The following GAPVD1 variants were observed in gnomAD, a reference collection of about 807,000 sequenced individuals.
GAPVD1 encodes GTPase-activating protein and VPS9 domain-containing protein 1.
GAPVD1 carries 35 observed loss-of-function variants against 155.5 expected under a neutral mutation model. The observed-to-expected ratio is 0.23, with a 90% CI of 0.17 to 0.30. The LOEUF (loss-of-function observed/expected upper bound fraction) is 0.30, where lower values mean the gene tolerates loss of function less well. Ranked by LOEUF, GAPVD1 falls within the 10% of genes least tolerant of loss-of-function variation. GAPVD1 has a pLI of 1.00. For synonymous variants in GAPVD1, 636 were observed against 619.7 expected (o/e 1.03, Z -0.39); for missense variants, 1,429 against 1,775.7 (o/e 0.80, Z 3.51).
At chr9:125,302,963 G>A (rs1841138438) in intron 5 of GAPVD1, 137 bp downstream of exon 5, 3 of 984,772 alleles carry the variant, frequency 3.0e-6, no homozygotes, top group Non-Finnish European at 4.3e-6. Flanking sequence ...CTAAGTATTT[G>A]CATCTTATTA....
chr9:125,313,220 T>TG (rs1842903599), intron 9 of GAPVD1, among the ~76,000 whole-genome samples: 1 of 152,132 alleles, frequency 6.6e-6, no homozygotes, highest in African/African-American at 2.4e-5. Context: ...ACCATCACCT[T>TG]GGGGGTTAGA....
Position 125,283,817 on chromosome 9 carries a change from G to A in GAPVD1, c.-149-11641G>A, listed in dbSNP as rs543062673. ...CTTAGAGACCTTCTCTTTAGTCAGA[G>A]GAGTTCATTTAGATATAGTTGTTAA... is the stretch of plus-strand genomic sequence containing the variant. On this transcript the variant is annotated intron_variant, in intron 2 of 27. Coordinates refer to ENST00000297933, the MANE Select transcript of GAPVD1 (RefSeq NM_001282680.3). Among the ~76,000 whole-genome samples the A allele has an allele frequency of 9.2e-5, 14 of 152,186 alleles. No individual in the cohort carries two copies. The South Asian group carries it at 2.7e-3, about 29-fold the overall frequency.
chr9:125,279,942 G>A (rs1836477908), intron 2 of GAPVD1, among the ~76,000 whole-genome samples: 1 of 150,938 alleles, frequency 6.6e-6, no homozygotes, highest in African/African-American at 2.4e-5. Context: ...TGTATTTTTA[G>A]TAGAGATGGG....
chr9:125,336,670 G>T, intron 15 of GAPVD1: 1 of 216,842 alleles, frequency 4.6e-6, no homozygotes. Context: ...TTTCAGGTGA[G>T]GGGAAGGCGA....
Position 125,342,264 on chromosome 9 carries a change from A to G in GAPVD1, c.3011A>G (p.Asp1004Gly). The change falls in exon 19 of 28, where the codon GAT becomes GGT. Residue 1004 changes from aspartate to glycine, a missense_variant. Asp to Gly is a moderately conservative substitution (Grantham distance 94, BLOSUM62 -1). This residue lies in a region of GAPVD1 where 699 missense variants were observed against 826.0 expected (regional missense o/e 0.85). Coordinates refer to ENST00000297933, the MANE Select transcript of GAPVD1 (RefSeq NM_001282680.3). The part of the protein sequence containing the change: ...RKKEKQEKDK[D>G]DLGPDRFSTL... ...AAAGAAAAACAAGAAAAAGACAAAG[A>G]TGATCTGGGGCCTGACAGATTCTCA... 1.2e-6 allele frequency: 2 copies of G among 1,601,808 alleles called. No homozygotes were observed. Among genetic ancestry groups the G allele is most frequent in the East Asian group, 2.2e-5 (1 of 44,828 alleles).
At chr9:125,333,690 G>C (rs1312710490) in intron 15 of GAPVD1, among the ~76,000 whole-genome samples, 1 of 151,368 alleles carries the variant, frequency 6.6e-6, no homozygotes, top group East Asian at 2.0e-4. Context: ...GTTTCTCCAT[G>C]TTGGTCAGGC....
chr9:125,271,081 G>A (rs1034609235), intron 2 of GAPVD1, among the ~76,000 whole-genome samples: 8 of 152,098 alleles, frequency 5.3e-5, no homozygotes, highest in African/African-American at 1.7e-4. Flanking sequence ...AAGTATAAAA[G>A]TATAATTTAA....
rs886970196 is a variant in GAPVD1, at chr9:125,365,580, A to T, written c.*2834A>T. 2.0e-5 allele frequency: 3 copies of T among 152,222 alleles called. No homozygotes were observed. Among genetic ancestry groups the T allele is most frequent in the Non-Finnish European group, 4.4e-5 (3 of 68,044 alleles). The allele number at this position is 152,222 out of a possible 1,614,324, so 9.4% of individuals were successfully genotyped here. On this transcript the variant is annotated 3_prime_UTR_variant, in exon 28 of 28. Transcript: ENST00000297933. ...AAAATCAGGTTTGCATTTTGTATTAATATTCTGCTTTTAGAAGTAATAGAA... is the reference window on the plus strand; with the variant it reads ...AAAATCAGGTTTGCATTTTGTATTATTATTCTGCTTTTAGAAGTAATAGAA...
Position 125,307,540 on chromosome 9 carries a change from T to C in GAPVD1, c.1244T>C (p.Ile415Thr). The part of the protein sequence containing the change: ...TVVYITYSQL[I>T]TLVNFMKSVM... ...GTTTATATAACCTACAGTCAGCTTATTACTCTGGTAATGGCTTCATTGTTT... is the reference window on the plus strand; with the variant it reads ...GTTTATATAACCTACAGTCAGCTTACTACTCTGGTAATGGCTTCATTGTTT... Residue 415 changes from isoleucine (I) to threonine (T), a missense_variant, in exon 7 of 28, where the codon ATT becomes ACT. Coordinates refer to ENST00000297933, the MANE Select transcript of GAPVD1 (RefSeq NM_001282680.3). The C allele has an allele frequency of 6.2e-7, 1 of 1,609,746 alleles. No homozygotes were observed.
chr9:125,317,771 A>G (rs946998147), intron 9 of GAPVD1, among the ~76,000 whole-genome samples: 2 of 152,158 alleles, frequency 1.3e-5, no homozygotes, highest in African/African-American at 4.8e-5. Context: ...AACTAAAGAA[A>G]ACCAAGAGAA....
At position 125,323,810 on chromosome 9, in the gene GAPVD1, G is replaced by T; in HGVS notation, c.1745G>T (p.Arg582Leu). ...AACATTTCTCTAGGTCCTTCAAATC[G>T]CTCCAATTCAGTGTCCTCCCTAGAC... ...LEGISEGPSN[R>L]SNSVSSLDLE... is the part of the protein sequence containing the mutation. The change falls in exon 11 of 28, where the codon CGC (arginine) becomes CTC (leucine). Residue 582 changes from arginine to leucine, a missense_variant. By Grantham distance (102) the Arg-to-Leu change is moderately radical. Transcript: ENST00000297933. The T allele has an allele frequency of 6.2e-7, 1 of 1,613,510 alleles. No homozygotes were observed.
chr9:125,285,590 GC>G (rs1196428765), intron 2 of GAPVD1, among the ~76,000 whole-genome samples: 1 of 149,430 alleles, frequency 6.7e-6, no homozygotes, highest in Non-Finnish European at 1.5e-5. Flanking sequence ...CTCCCGAATA[GC>G]TGGGATTACA....
At chr9:125,326,827 A>C (rs75364733) in intron 12 of GAPVD1, among the ~76,000 whole-genome samples, 87 of 132,184 alleles carry the variant, frequency 6.6e-4, no homozygotes, top group African/African-American at 1.8e-3. Flanking sequence ...CCAGCTGCCC[A>C]AAAAAAAAAA....
intron 9 of GAPVD1, among the ~76,000 whole-genome samples, chr9:125,319,359 A>G (rs1843932088): frequency 6.6e-6 from 1 of 151,248 alleles, no homozygotes; most frequent in Non-Finnish European, 1.5e-5. Flanking sequence ...GGGCGACAGA[A>G]TGAGTTCCAT....
Position 125,323,781 on chromosome 9 carries a change from TA to T in GAPVD1, c.1733-16del, listed in dbSNP as rs778606692. 2 of 1,613,142 alleles carry T rather than the reference TA, an allele frequency of 1.2e-6. No homozygotes were observed. Among genetic ancestry groups the T allele is most frequent in the Non-Finnish European group, 1.7e-6 (2 of 1,179,254 alleles). On this transcript the variant is annotated splice_polypyrimidine_tract_variant and intron_variant, in intron 10 of 27. Transcript: ENST00000297933. ...ACTGTTTTAAAAAGATTGCTCACAC[TA>T]TAAACATTTCTCTAGGTCCTTCAAA...
rs141971434 is a variant in GAPVD1, at chr9:125,316,565, G to C, written c.1602+3953G>C. ...GCACATGTATCCCTGCAAAGGACAT[G>C]AACTAATCCTTTTTTATGGCTGCAT... On this transcript the variant is annotated intron_variant, in intron 9 of 27. Transcript: ENST00000297933. Among the ~76,000 whole-genome samples, 130 of 152,258 alleles carry C rather than the reference G, an allele frequency of 8.5e-4. 1 individual carries two copies. Among genetic ancestry groups the C allele is most frequent in the Non-Finnish European group, 1.2e-4 (8 of 68,022 alleles).
At chr9:125,269,883 A>G (rs1261379275) in intron 2 of GAPVD1, among the ~76,000 whole-genome samples, 3 of 148,916 alleles carry the variant, frequency 2.0e-5, no homozygotes, top group African/African-American at 7.4e-5. Flanking sequence ...ATGTCCAGCT[A>G]ATTTTTTTTA....
chr9:125,332,475 TCTTC>T lies in GAPVD1; in HGVS notation c.2309-32_2309-29del, dbSNP rs1222428576. On this transcript the variant is annotated intron_variant, in intron 14 of 27. Transcript: ENST00000297933. ...ACTTTTTGTGTGGATATTTTGTTCT[TCTTC>T]CTGTTTATTTTTTACTATTGTTTTT... 2.0e-6 allele frequency: 3 copies of T among 1,514,686 alleles called. No homozygotes were observed. In the African/African-American group the frequency reaches 4.2e-5, roughly 21 times the overall value. 93.8% of individuals were successfully genotyped at this position (1,514,686 alleles called of 1,614,324 possible).
chr9:125,341,320 A>C, intron 18 of GAPVD1, 56 bp downstream of exon 18: 1 of 881,082 alleles, frequency 1.1e-6, no homozygotes, highest in Non-Finnish European at 1.8e-6. Flanking sequence ...AAGCCCCAGA[A>C]TCTCTTTCAG....
Sources: allele counts gnomAD v4.1 joint callset (sites outside exome capture counted in the v4.1 genomes callset), GRCh38; gene constraint gnomAD v4.1.1; regional missense constraint gnomAD v4.1.1; transcripts MANE v1.5; gene names NCBI Gene and HGNC (gene_info 2026-07-23, HGNC 2026-07-21).